The following RPL37 variants were observed in gnomAD, a reference collection of about 807,000 sequenced individuals.
RPL37 encodes ribosomal protein L37, also known as large ribosomal subunit protein eL37.
In RPL37, 1 loss-of-function variant was observed where a neutral mutation model predicts 14.8. The ratio of observed to expected loss-of-function variants is 0.07; its 90% CI spans 0.02 to 0.32. The LOEUF (loss-of-function observed/expected upper bound fraction) is 0.32. Among genes scored for constraint, RPL37 ranks in the 10% least tolerant of loss-of-function variants. RPL37 has a pLI of 1.00. For synonymous variants in RPL37, 53 were observed against 45.8 expected (o/e 1.16, Z -0.63); for missense variants, 100 against 128.3 (o/e 0.78, Z 1.06).
intron 3 of RPL37, among the ~76,000 whole-genome samples, chr5:40,832,893 T>A (rs1745673640): frequency 6.6e-6 from 1 of 152,258 alleles, no homozygotes; most frequent in South Asian, 2.1e-4. Flanking sequence ...AATGGTTCCC[T>A]ATACTGAGAA....
At chr5:40,832,683 AATACT>A in intron 3 of RPL37, 110 bp from the exon 4 acceptor site, 4 of 821,588 alleles carry the variant, frequency 4.9e-6, no homozygotes, top group Non-Finnish European at 8.7e-6. Flanking sequence ...TGCTGAAATC[AATACT>A]GCATTCATAT....
In RPL37 at chr5:40,832,632, ATT is replaced by A. The variant is rs778599867; in HGVS notation, c.225-61_225-60del. The A allele has an allele frequency of 3.8e-6, 5 of 1,325,554 alleles. No individual in the cohort carries two copies. In the South Asian group the frequency reaches 5.9e-5, roughly 16 times the overall value. The allele number at this position is 1,325,554 out of a possible 1,614,324, so 82.1% of individuals were successfully genotyped here. On this transcript the variant is annotated intron_variant, in intron 3 of 3. Transcript: ENST00000274242. ...CAGCAACATCGATGCATACATTTTAATTTTTGTTAAACAGATTTCAATGCGCT... is the reference window on the plus strand; with the variant it reads ...CAGCAACATCGATGCATACATTTTAATTTGTTAAACAGATTTCAATGCGCT...
chr5:40,830,059 T>C lies in RPL37; in HGVS notation c.*2445A>G, dbSNP rs1323322780. The C allele has an allele frequency of 6.6e-6, 1 of 152,048 alleles. No individual in the cohort carries two copies. The highest frequency in any genetic ancestry group is 1.5e-5 in the Non-Finnish European group (1 of 68,004). The allele number at this position is 152,048 out of a possible 1,614,324, so 9.4% of individuals were successfully genotyped here. A position where few individuals can be genotyped will look rare whatever the true frequency, so the allele number is the denominator to read the frequency against. On this transcript the variant is annotated 3_prime_UTR_variant, in exon 4 of 4. Coordinates refer to ENST00000274242, the MANE Select transcript of RPL37 (RefSeq NM_000997.5). Reference sequence around the variant, plus strand: ...GAAACAGGTAGTCTGCTTTGACAGCTGGGGGCAAATCAACCTGACTTTGTG... The same window carrying C: ...GAAACAGGTAGTCTGCTTTGACAGCCGGGGGCAAATCAACCTGACTTTGTG...
chr5:40,828,714 C>G lies in RPL37; in HGVS notation c.*3790G>C, dbSNP rs1245203054. 6.6e-6 allele frequency: 1 copy of G among 152,160 alleles called. No individual in the cohort carries two copies. The highest frequency in any genetic ancestry group is 1.5e-5 in the Non-Finnish European group (1 of 68,028). 9.4% of individuals were successfully genotyped at this position (152,160 alleles called of 1,614,324 possible). A position where few individuals can be genotyped will look rare whatever the true frequency, so the allele number is the denominator to read the frequency against. Reference sequence around the variant, plus strand: ...TCAGCCACATGTGACTGAGTGCCCCCCTCAAACAATCCCCTTCCTTGGTTT... The same window carrying G: ...TCAGCCACATGTGACTGAGTGCCCCGCTCAAACAATCCCCTTCCTTGGTTT... On this transcript the variant is annotated 3_prime_UTR_variant, in exon 4 of 4. Transcript: ENST00000274242.
intron 1 of RPL37, 26 bp from the exon 2 acceptor site, chr5:40,834,632 C>A (rs749275079): frequency 6.3e-7 from 1 of 1,575,146 alleles, no homozygotes; most frequent in South Asian, 1.2e-5. Context: ...ATAAATAGTT[C>A]TGAAACCTGG....
rs1028124631 is a variant in RPL37, at chr5:40,827,212, C to T, written c.*5292G>A. ...TCTGCGGGGCCCAGGGATTATGAAG[C>T]CAGCCAGCCAAGGAAGAACTACCCT... On this transcript the variant is annotated 3_prime_UTR_variant, in exon 4 of 4. Transcript: ENST00000274242. 1 of 152,250 alleles carries T rather than the reference C, an allele frequency of 6.6e-6. No individual in the cohort carries two copies. The highest frequency in any genetic ancestry group is 1.5e-5 in the Non-Finnish European group (1 of 68,118). The allele number at this position is 152,250 out of a possible 1,614,324, so 9.4% of individuals were successfully genotyped here. A position where few individuals can be genotyped will look rare whatever the true frequency, so the allele number is the denominator to read the frequency against.
rs766027987 is a variant in RPL37, at chr5:40,832,462, T to C, written c.*42A>G. On this transcript the variant is annotated 3_prime_UTR_variant, in exon 4 of 4. Coordinates refer to ENST00000274242, the MANE Select transcript of RPL37 (RefSeq NM_000997.5). The stretch of plus-strand genomic sequence containing the variant: ...CTTACCAAAACCAGATATGTATTTT[T>C]TAAAACCAGAACATTTATTGCATGA... 6.4e-7 allele frequency: 1 copy of C among 1,552,412 alleles called. No homozygotes were observed.
chr5:40,835,036 T>C (rs990942846), intron 1 of RPL37, 147 bp downstream of exon 1: 3 of 1,052,880 alleles, frequency 2.8e-6, no homozygotes, highest in Non-Finnish European at 4.3e-6. Context: ...CAGTCATTCT[T>C]CTGGCTCTTG....
At position 40,827,205 on chromosome 5, in the gene RPL37, T is replaced by C. The variant is rs7725810; in HGVS notation, c.*5299A>G. The C allele has an allele frequency of 0.38, 57,828 of 152,166 alleles. 11,820 individuals carry two copies. Among genetic ancestry groups the C allele is most frequent in the Admixed American group, 0.48 (7,311 of 15,260 alleles). The allele number at this position is 152,166 out of a possible 1,614,324, so 9.4% of individuals were successfully genotyped here. A position where few individuals can be genotyped will look rare whatever the true frequency, so the allele number is the denominator to read the frequency against. On this transcript the variant is annotated 3_prime_UTR_variant, in exon 4 of 4. Coordinates refer to ENST00000274242, the MANE Select transcript of RPL37 (RefSeq NM_000997.5). Reference sequence around the variant, plus strand: ...TTAATTATCTGCGGGGCCCAGGGATTATGAAGCCAGCCAGCCAAGGAAGAA... The same window carrying C: ...TTAATTATCTGCGGGGCCCAGGGATCATGAAGCCAGCCAGCCAAGGAAGAA...
At position 40,830,479 on chromosome 5, in the gene RPL37, AT is replaced by A. The variant is rs1554036175; in HGVS notation, c.*2024del. ...ACTGCTTATTTTGTTTCATTTGAAA[AT>A]TTGAGTCATTAGTTCAAGGATTTTT... On this transcript the variant is annotated 3_prime_UTR_variant, in exon 4 of 4. Transcript: ENST00000274242. 1 of 150,138 alleles carries A rather than the reference AT, an allele frequency of 6.7e-6. No individual in the cohort carries two copies. Among genetic ancestry groups the A allele is most frequent in the Non-Finnish European group, 1.5e-5 (1 of 67,846 alleles). The allele number at this position is 150,138 out of a possible 1,614,324, so 9.3% of individuals were successfully genotyped here.
At chr5:40,834,880 G>C in intron 1 of RPL37, 1 of 607,204 alleles carries the variant, frequency 1.6e-6, no homozygotes, top group Non-Finnish European at 2.9e-6. Context: ...TTGTTACACA[G>C]AGCCAAACAT....
chr5:40,834,613 A>G lies in RPL37; in HGVS notation c.4-7T>C, dbSNP rs1199619967. The G allele has an allele frequency of 1.2e-6, 2 of 1,605,486 alleles. No homozygotes were observed. Among genetic ancestry groups the G allele is most frequent in the Non-Finnish European group, 1.7e-6 (2 of 1,177,630 alleles). On this transcript the variant is annotated splice_region_variant and splice_polypyrimidine_tract_variant and intron_variant, in intron 1 of 3. Transcript: ENST00000274242. The stretch of plus-strand genomic sequence containing the variant: ...ACGATGACGTTCCCTTCGTCTGCAC[A>G]TTAAAGGAATAAATAGTTCTGAAAC...
Position 40,825,765 on chromosome 5 carries a change from G to A in RPL37, c.*6739C>T, listed in dbSNP as rs1745502691. The A allele has an allele frequency of 6.6e-6, 1 of 152,268 alleles. No individual in the cohort carries two copies. Among genetic ancestry groups the A allele is most frequent in the East Asian group, 1.9e-4 (1 of 5,200 alleles). The allele number at this position is 152,268 out of a possible 1,614,324, so 9.4% of individuals were successfully genotyped here. On this transcript the variant is annotated 3_prime_UTR_variant, in exon 4 of 4. Coordinates refer to ENST00000274242, the MANE Select transcript of RPL37 (RefSeq NM_000997.5). ...CTGTCACTGAGGCTGGAGTGCAGTG[G>A]TGCAATCTCAGCTCACTGCAGTCTC...
rs1745588366 is a variant in RPL37, at chr5:40,829,402, C to T, written c.*3102G>A. ...TTCATAATCTGATCGCTGCTCTTCC[C>T]TGAATTCTTTTCTTACCAACCCTAC... On this transcript the variant is annotated 3_prime_UTR_variant, in exon 4 of 4. Coordinates refer to ENST00000274242, the MANE Select transcript of RPL37 (RefSeq NM_000997.5). 6.6e-6 allele frequency: 1 copy of T among 152,144 alleles called. No homozygotes were observed. Among genetic ancestry groups the T allele is most frequent in the Non-Finnish European group, 1.5e-5 (1 of 68,022 alleles). 9.4% of individuals were successfully genotyped at this position (152,144 alleles called of 1,614,324 possible).
chr5:40,830,291 T>C lies in RPL37; in HGVS notation c.*2213A>G, dbSNP rs1745614457. ...ACATAACTATAACTTAAGGCAGGACTGAAGTGCTGTTAAAGATAGAAATAT... is the reference window on the plus strand; with the variant it reads ...ACATAACTATAACTTAAGGCAGGACCGAAGTGCTGTTAAAGATAGAAATAT... On this transcript the variant is annotated 3_prime_UTR_variant, in exon 4 of 4. Transcript: ENST00000274242. 1 of 152,112 alleles carries C rather than the reference T, an allele frequency of 6.6e-6. No homozygotes were observed. Among genetic ancestry groups the C allele is most frequent in the Non-Finnish European group, 1.5e-5 (1 of 68,028 alleles). The allele number at this position is 152,112 out of a possible 1,614,324, so 9.4% of individuals were successfully genotyped here. A position where few individuals can be genotyped will look rare whatever the true frequency, so the allele number is the denominator to read the frequency against.
chr5:40,832,679 A>T, intron 3 of RPL37, 106 bp from the exon 4 acceptor site: 2 of 830,520 alleles, frequency 2.4e-6, no homozygotes, highest in Non-Finnish European at 4.3e-6. Flanking sequence ...TAAATGCTGA[A>T]ATCAATACTG....
Position 40,826,549 on chromosome 5 carries a change from T to G in RPL37, c.*5955A>C, listed in dbSNP as rs943897860. The G allele has an allele frequency of 6.6e-6, 1 of 152,162 alleles. No individual in the cohort carries two copies. The highest frequency in any genetic ancestry group is 6.5e-5 in the Admixed American group (1 of 15,270). The allele number at this position is 152,162 out of a possible 1,614,324, so 9.4% of individuals were successfully genotyped here. On this transcript the variant is annotated 3_prime_UTR_variant, in exon 4 of 4. Coordinates refer to ENST00000274242, the MANE Select transcript of RPL37 (RefSeq NM_000997.5). ...TACTTTGAAACCCAGTGAAAGGAAC[T>G]TCAAGGAAGCCCTTCAGAGAGCTTT... is the stretch of plus-strand genomic sequence containing the variant.
rs1745503673 is a variant in RPL37, at chr5:40,825,813, C to T, written c.*6691G>A. 6.6e-6 allele frequency: 1 copy of T among 152,316 alleles called. No homozygotes were observed. The highest frequency in any genetic ancestry group is 1.5e-5 in the Non-Finnish European group (1 of 68,128). The allele number at this position is 152,316 out of a possible 1,614,324, so 9.4% of individuals were successfully genotyped here. On this transcript the variant is annotated 3_prime_UTR_variant, in exon 4 of 4. Transcript: ENST00000274242. ...CTCAACTTCCTGGGCTCAGGTGATC[C>T]TCCTGCCTCAGCCTTCGGAGTAGCT...
rs1273728325 is a variant in RPL37, at chr5:40,829,989, CCTTT to C, written c.*2511_*2514del. The stretch of plus-strand genomic sequence containing the variant: ...CCGTACCCGGCCGCCACAGATTCAA[CCTTT>C]CTATTTTTGTAACTTTACAGAACAT... On this transcript the variant is annotated 3_prime_UTR_variant, in exon 4 of 4. Coordinates refer to ENST00000274242, the MANE Select transcript of RPL37 (RefSeq NM_000997.5). 12 of 152,152 alleles carry C rather than the reference CCTTT, an allele frequency of 7.9e-5. No homozygotes were observed. Among genetic ancestry groups the C allele is most frequent in the East Asian group, 3.9e-4 (2 of 5,168 alleles). The allele number at this position is 152,152 out of a possible 1,614,324, so 9.4% of individuals were successfully genotyped here.
Sources: allele counts gnomAD v4.1 joint callset (sites outside exome capture counted in the v4.1 genomes callset), GRCh38; gene constraint gnomAD v4.1.1; transcripts MANE v1.5; gene names NCBI Gene and HGNC (gene_info 2026-07-23, HGNC 2026-07-21).